Variants in NR5A2 observed in about 807,000 individuals in gnomAD.
The protein encoded by NR5A2 is nuclear receptor subfamily 5 group A member 2, also known as CYP7A promoter-binding factor.
In NR5A2, 26 loss-of-function variants were observed where a neutral mutation model predicts 62.7. The ratio of observed to expected loss-of-function variants is 0.41; its 90% CI spans 0.30 to 0.58. The LOEUF is 0.58. Among genes scored for constraint, NR5A2 ranks in the 20% least tolerant of loss-of-function variants. NR5A2 has a pLI of 0.22. For synonymous variants in NR5A2, 246 were observed against 241.7 expected (o/e 1.02, Z -0.16); for missense variants, 541 against 669.1 (o/e 0.81, Z 2.11).
At chr1:200,156,632 C>G (rs941368721) in intron 7 of NR5A2, among the ~76,000 whole-genome samples, 1 of 151,886 alleles carries the variant, frequency 6.6e-6, no homozygotes, top group African/African-American at 2.4e-5. Context: ...CTCCTGACCT[C>G]GTGATCCACC....
Position 200,147,370 on chromosome 1 carries a change from G to C in NR5A2, c.1378+26415G>C, listed in dbSNP as rs1341084934. Among the ~76,000 whole-genome samples, 2 of 152,178 alleles carry C rather than the reference G, an allele frequency of 1.3e-5. No individual in the cohort carries two copies. Among genetic ancestry groups the C allele is most frequent in the African/African-American group, 4.8e-5 (2 of 41,446 alleles). ...ACATGGAGGTTTGCTGACTCCCCCAGGCCACCTTAGTTCCTCTCGGAGTCT... is the reference window on the plus strand; with the variant it reads ...ACATGGAGGTTTGCTGACTCCCCCACGCCACCTTAGTTCCTCTCGGAGTCT... On this transcript the variant is annotated intron_variant, in intron 7 of 7. Transcript: ENST00000367362. The surrounding 1 kb of genome is among the most constrained non-coding windows in gnomAD (Gnocchi z 4.9).
At chr1:200,171,184 A>G (rs1456988124) in intron 7 of NR5A2, among the ~76,000 whole-genome samples, 2 of 152,250 alleles carry the variant, frequency 1.3e-5, no homozygotes, top group African/African-American at 4.8e-5. Context: ...CCATGTGTAT[A>G]GATGTAGAAA....
At chr1:200,107,553 T>C (rs1198096338) in intron 5 of NR5A2, among the ~76,000 whole-genome samples, 2 of 152,228 alleles carry the variant, frequency 1.3e-5, no homozygotes, top group African/African-American at 4.8e-5. Flanking sequence ...TCCTGCAATT[T>C]TTAGAGAAGC....
intron 5 of NR5A2, among the ~76,000 whole-genome samples, chr1:200,077,251 C>T (rs1268418681): frequency 6.6e-6 from 1 of 152,158 alleles, no homozygotes; most frequent in African/African-American, 2.4e-5. Context: ...GGTCATACAA[C>T]AAAATCTGAC....
intron 7 of NR5A2, among the ~76,000 whole-genome samples, chr1:200,141,386 C>T (rs950895645): frequency 6.6e-6 from 1 of 152,042 alleles, no homozygotes; most frequent in Admixed American, 6.6e-5. Flanking sequence ...TTGGAATTGG[C>T]ATCTTTCACT....
intron 5 of NR5A2, among the ~76,000 whole-genome samples, chr1:200,101,616 C>T (rs1324597124): frequency 6.6e-6 from 1 of 152,144 alleles, no homozygotes; most frequent in Non-Finnish European, 1.5e-5. Context: ...GACTTTGAAG[C>T]AATGGAATGT....
chr1:200,164,911 T>G (rs1653826135), intron 7 of NR5A2, among the ~76,000 whole-genome samples: 1 of 125,756 alleles, frequency 8.0e-6, no homozygotes, highest in South Asian at 2.8e-4. Flanking sequence ...AGTCTTACTC[T>G]TGTCACCCAG....
At chr1:200,046,282 A>G (rs555284783) in intron 4 of NR5A2, among the ~76,000 whole-genome samples, 1 of 152,344 alleles carries the variant, frequency 6.6e-6, no homozygotes, top group African/African-American at 2.4e-5. Context: ...CAGACCCTAT[A>G]CTACAATGTA....
chr1:200,133,574 CACATATATAT>C lies in NR5A2; in HGVS notation c.1378+12623_1378+12632del, dbSNP rs1667080090. On this transcript the variant is annotated intron_variant, in intron 7 of 7. Coordinates refer to ENST00000367362, the MANE Select transcript of NR5A2 (RefSeq NM_205860.3). ...ACATATATACACACATATATATATA[CACATATATAT>C]ACACATATATATATATACACATATA... Among the ~76,000 whole-genome samples, 7 of 127,264 alleles carry C rather than the reference CACATATATAT, an allele frequency of 5.5e-5. No homozygotes were observed. In the South Asian group the frequency reaches 7.6e-4, roughly 14 times the overall value. The allele number at this position is 127,264 out of a possible 152,430, so 83.5% of individuals were successfully genotyped here. A position where few individuals can be genotyped will look rare whatever the true frequency, so the allele number is the denominator to read the frequency against.
intron 5 of NR5A2, among the ~76,000 whole-genome samples, chr1:200,066,588 CT>C (rs756874909): frequency 0.021 from 2,368 of 113,096 alleles, 42 homozygotes; most frequent in Non-Finnish European, 0.029. Flanking sequence ...AATTAATTAT[CT>C]TTTTTTTTTT....
intron 6 of NR5A2, among the ~76,000 whole-genome samples, chr1:200,116,487 A>C (rs542937066): frequency 6.6e-6 from 1 of 151,728 alleles, no homozygotes; most frequent in African/African-American, 2.4e-5. Flanking sequence ...TTGCTTAATA[A>C]ATGTTTGCAG....
chr1:200,078,753 G>A (rs887482714), intron 5 of NR5A2, among the ~76,000 whole-genome samples: 1 of 152,006 alleles, frequency 6.6e-6, no homozygotes. Flanking sequence ...TTACTTTAAT[G>A]TTATACATAA....
At chr1:200,136,049 G>A (rs914938318) in intron 7 of NR5A2, among the ~76,000 whole-genome samples, 6 of 152,046 alleles carry the variant, frequency 3.9e-5, no homozygotes, top group African/African-American at 1.2e-4. Flanking sequence ...GACTCAAGCC[G>A]CTTCACTTTA....
At chr1:200,061,117 T>A (rs1332310438) in intron 5 of NR5A2, among the ~76,000 whole-genome samples, 6 of 85,756 alleles carry the variant, frequency 7.0e-5, no homozygotes, top group African/African-American at 5.4e-4. Context: ...CAAAACTCCG[T>A]CTCAAAAAAA....
intron 5 of NR5A2, among the ~76,000 whole-genome samples, chr1:200,098,648 G>A (rs2102268852): frequency 6.6e-6 from 1 of 152,084 alleles, no homozygotes; most frequent in Non-Finnish European, 1.5e-5. Flanking sequence ...ATAAAATGAT[G>A]TAGTTGAACG....
chr1:200,150,999 T>C (rs1184215283), intron 7 of NR5A2, among the ~76,000 whole-genome samples: 1 of 152,206 alleles, frequency 6.6e-6, no homozygotes, highest in African/African-American at 2.4e-5. Context: ...CATTTGTTTG[T>C]TTTTCCTCCC....
chr1:200,137,654 G>A (rs1255546383), intron 7 of NR5A2, among the ~76,000 whole-genome samples: 1 of 152,168 alleles, frequency 6.6e-6, no homozygotes, highest in Non-Finnish European at 1.5e-5. Context: ...AAGAAGGAAT[G>A]AAGATTAAAA....
chr1:200,159,255 G>A (rs1653526912), intron 7 of NR5A2, among the ~76,000 whole-genome samples: 1 of 152,106 alleles, frequency 6.6e-6, no homozygotes, highest in African/African-American at 2.4e-5. Context: ...ATATATTATA[G>A]TCATATCTTG....
intron 7 of NR5A2, among the ~76,000 whole-genome samples, chr1:200,165,206 T>G (rs1352915539): frequency 6.6e-6 from 1 of 151,888 alleles, no homozygotes; most frequent in East Asian, 1.9e-4. Flanking sequence ...ACCACAAAAT[T>G]GAGCAAAAGG....
Sources: allele counts gnomAD v4.1 joint callset (sites outside exome capture counted in the v4.1 genomes callset), GRCh38; gene constraint gnomAD v4.1.1; non-coding constraint Gnocchi (gnomAD v3.1); transcripts MANE v1.5; gene names NCBI Gene and HGNC (gene_info 2026-07-23, HGNC 2026-07-21).